The following SNAP91 variants were observed in gnomAD, a reference collection of about 807,000 sequenced individuals.
The protein encoded by SNAP91 is clathrin coat assembly protein AP180.
In SNAP91, 27 loss-of-function variants were observed where a neutral mutation model predicts 100.3. That is an observed-to-expected ratio of 0.27 (90% CI 0.20 to 0.37). The LOEUF is 0.37. SNAP91 is among the 10% of genes least tolerant of loss of function. The pLI, the probability that SNAP91 is intolerant of heterozygous loss-of-function variation, is 1.00. For missense variants in SNAP91, 986 were observed against 1,123.7 expected (o/e 0.88, Z 1.75); for synonymous variants, 404 against 398.6 (o/e 1.01, Z -0.16).
At chr6:83,697,208 A>C (rs1327897637) in intron 2 of SNAP91, among the ~76,000 whole-genome samples, 1 of 151,996 alleles carries the variant, frequency 6.6e-6, no homozygotes. Flanking sequence ...TCACTTTTGA[A>C]ATTGTTTTTC....
intron 2 of SNAP91, among the ~76,000 whole-genome samples, chr6:83,680,471 A>C (rs2098973209): frequency 1.3e-5 from 2 of 152,168 alleles, no homozygotes; most frequent in South Asian, 4.1e-4. Flanking sequence ...AAGTGCTCTG[A>C]GCATGTTCAC....
chr6:83,565,176 A>G (rs879310501), intron 26 of SNAP91, among the ~76,000 whole-genome samples: 2 of 152,020 alleles, frequency 1.3e-5, no homozygotes, highest in Admixed American at 6.6e-5. Context: ...GCAACTGAAA[A>G]GAAGCCTTTT....
intron 29 of SNAP91, among the ~76,000 whole-genome samples, chr6:83,554,717 C>T (rs1426108964): frequency 6.6e-6 from 1 of 152,118 alleles, no homozygotes; most frequent in African/African-American, 2.4e-5. Flanking sequence ...ACTTTCTAAA[C>T]AGCTGAACCA....
intron 12 of SNAP91, among the ~76,000 whole-genome samples, chr6:83,608,365 T>C (rs1032944757): frequency 2.4e-4 from 36 of 152,238 alleles, no homozygotes; most frequent in Admixed American, 7.2e-4. Context: ...TAAGATGACA[T>C]AGATAAAACT....
At chr6:83,567,267 T>C (rs957165019) in intron 26 of SNAP91, among the ~76,000 whole-genome samples, 2 of 152,210 alleles carry the variant, frequency 1.3e-5, no homozygotes, top group African/African-American at 4.8e-5. Flanking sequence ...GCTTTTCTTT[T>C]AACAGTGATC....
At chr6:83,644,550 C>T in intron 7 of SNAP91, among the ~76,000 whole-genome samples, 1 of 152,122 alleles carries the variant, frequency 6.6e-6, no homozygotes, top group East Asian at 1.9e-4. Flanking sequence ...ATGTTTGTGA[C>T]ATGAACCTTT....
At chr6:83,657,623 A>C (rs1477644499) in intron 6 of SNAP91, among the ~76,000 whole-genome samples, 2 of 152,240 alleles carry the variant, frequency 1.3e-5, no homozygotes, top group Non-Finnish European at 2.9e-5. Context: ...AGACTAAACC[A>C]TACAATCTTA....
intron 2 of SNAP91, among the ~76,000 whole-genome samples, chr6:83,681,037 A>T (rs1221531074): frequency 1.3e-5 from 2 of 152,184 alleles, no homozygotes; most frequent in Non-Finnish European, 2.9e-5. Context: ...TAACCAAAAA[A>T]AGATTTACAG....
At chr6:83,640,227 T>C (rs1465478872) in intron 8 of SNAP91, among the ~76,000 whole-genome samples, 1 of 152,176 alleles carries the variant, frequency 6.6e-6, no homozygotes, top group African/African-American at 2.4e-5. Flanking sequence ...ACACAATGCA[T>C]GGACTAGAGT....
chr6:83,610,113 C>T (rs191619645), intron 12 of SNAP91, among the ~76,000 whole-genome samples: 1 of 152,146 alleles, frequency 6.6e-6, no homozygotes, highest in East Asian at 1.9e-4. Flanking sequence ...TGGGTATATA[C>T]CCCCAAAGAA....
chr6:83,664,221 T>C (rs541914429), intron 3 of SNAP91, among the ~76,000 whole-genome samples: 2 of 152,270 alleles, frequency 1.3e-5, no homozygotes, highest in East Asian at 1.9e-4. Context: ...ACAACATTCA[T>C]TGTGCAGCCC....
intron 28 of SNAP91, among the ~76,000 whole-genome samples, chr6:83,556,574 A>G (rs1000016647): frequency 6.6e-6 from 1 of 152,200 alleles, no homozygotes; most frequent in Admixed American, 6.5e-5. Flanking sequence ...AGATTTAGCC[A>G]AAGTAAAATT....
chr6:83,588,588 G>A (rs2093217565), intron 22 of SNAP91, among the ~76,000 whole-genome samples: 1 of 152,212 alleles, frequency 6.6e-6, no homozygotes, highest in African/African-American at 2.4e-5. Flanking sequence ...ACAGGTATGT[G>A]CAGTTACACC....
intron 27 of SNAP91, 118 bp from the exon 28 acceptor site, chr6:83,560,326 G>GA: frequency 1.4e-6 from 1 of 705,428 alleles, no homozygotes; most frequent in Non-Finnish European, 2.4e-6. Flanking sequence ...GGACTATGAG[G>GA]AAGCATAATT....
At chr6:83,657,122 C>A (rs2098426054) in intron 6 of SNAP91, among the ~76,000 whole-genome samples, 1 of 152,008 alleles carries the variant, frequency 6.6e-6, no homozygotes, top group Admixed American at 6.6e-5. Flanking sequence ...ATAGATTAAT[C>A]CATAGATTAT....
chr6:83,642,891 G>A (rs1370775618), intron 7 of SNAP91, among the ~76,000 whole-genome samples: 1 of 152,200 alleles, frequency 6.6e-6, no homozygotes, highest in African/African-American at 2.4e-5. Flanking sequence ...TCTAACTGGT[G>A]TAAGATGGTA....
intron 2 of SNAP91, among the ~76,000 whole-genome samples, chr6:83,700,414 A>G (rs2099276647): frequency 6.6e-6 from 1 of 151,976 alleles, no homozygotes; most frequent in Non-Finnish European, 1.5e-5. Flanking sequence ...AGTAATGTTT[A>G]TTATTAGTAG....
chr6:83,608,444 C>T lies in SNAP91; in HGVS notation c.913-636G>A, dbSNP rs34486344. 2.9e-3 allele frequency among the ~76,000 whole-genome samples: 440 copies of T among 152,040 alleles called. 1 individual carries two copies. Among genetic ancestry groups the T allele is most frequent in the Non-Finnish European group, 3.8e-3 (258 of 67,968 alleles). ...GTATTAATAGTCAATTAATATATTA[C>T]AAGATTTTTATTTAGTTACTGTAAC... On this transcript the variant is annotated intron_variant, in intron 12 of 29. Transcript: ENST00000369694.
Position 83,553,181 on chromosome 6 carries a change from T to C in SNAP91, c.*1115A>G, listed in dbSNP as rs1462461565. On this transcript the variant is annotated 3_prime_UTR_variant, in exon 30 of 30. Transcript: ENST00000369694. Reference sequence around the variant, plus strand: ...GTGACCTCATTTATGCATCAAAATCTTAAGCCAAGCCATCAGCACAGACAG... The same window carrying C: ...GTGACCTCATTTATGCATCAAAATCCTAAGCCAAGCCATCAGCACAGACAG... 6.6e-6 allele frequency: 1 copy of C among 152,602 alleles called. No individual in the cohort carries two copies. The highest frequency in any genetic ancestry group is 1.5e-5 in the Non-Finnish European group (1 of 68,028). 9.5% of individuals were successfully genotyped at this position (152,602 alleles called of 1,614,324 possible).
Sources: gnomAD v4.1 joint callset for allele counts (sites outside exome capture counted in the v4.1 genomes callset) on GRCh38, gnomAD v4.1.1 for gene constraint, MANE v1.5 for transcripts, NCBI Gene and HGNC (gene_info 2026-07-23, HGNC 2026-07-21) for gene names.